Variants in DNAH6 observed in about 807,000 individuals in gnomAD.
The protein encoded by DNAH6 is dynein axonemal heavy chain 6, also known as axonemal beta dynein heavy chain 6.
A neutral mutation model predicts 491.4 loss-of-function variants in DNAH6; 340 were observed. That is an observed-to-expected ratio of 0.69 (90% CI 0.63 to 0.76). The LOEUF (loss-of-function observed/expected upper bound fraction) is 0.76. DNAH6 is among the 30% of genes least tolerant of loss of function. DNAH6 has a pLI of 0.00. For synonymous variants in DNAH6, 1,603 were observed against 1,686.1 expected, an observed-to-expected ratio of 0.95 and a Z score of 1.21; for missense variants, 4,443 against 4,972.2, an observed-to-expected ratio of 0.89 and a Z score of 3.20.
chr2:84,782,702 C>T (rs986247385), intron 65 of DNAH6, among the ~76,000 whole-genome samples: 2 of 152,204 alleles, frequency 1.3e-5, no homozygotes, highest in South Asian at 4.1e-4. Flanking sequence ...AGAGGGCCTG[C>T]TTCCTGCTGG....
intron 68 of DNAH6, among the ~76,000 whole-genome samples, chr2:84,795,857 C>A (rs542288583): frequency 6.6e-6 from 1 of 152,220 alleles, no homozygotes; most frequent in Admixed American, 6.5e-5. Context: ...ACCCTGATAG[C>A]AATAATTAAT....
chr2:84,579,569 G>T lies in DNAH6; in HGVS notation c.2119G>T (p.Asp707Tyr). The T allele has an allele frequency of 1.2e-6, 2 of 1,613,844 alleles. No homozygotes were observed. The highest frequency in any genetic ancestry group is 1.7e-6 in the Non-Finnish European group (2 of 1,179,886). Residue 707 changes from aspartate to tyrosine, a missense_variant, in exon 14 of 77, where the codon GAT (aspartate) becomes TAT (tyrosine). Physicochemically the swap from Asp to Tyr is radical, Grantham distance 160. Transcript: ENST00000389394. ...MLPRQSKKKV[D>Y]AIIFEAQDAE... ...TCCTCGTCAAAGCAAGAAAAAAGTG[G>T]ATGCCATTATCTTTGAGGCACAAGA...
rs1692485991 is a variant in DNAH6, at chr2:84,669,340, CG to C, written c.6138del (p.Leu2047TrpfsTer35). 6.5e-7 allele frequency: 1 copy of C among 1,549,380 alleles called. No homozygotes were observed. Among genetic ancestry groups the C allele is most frequent in the African/African-American group, 1.4e-5 (1 of 72,994 alleles). Reference sequence around the variant, plus strand: ...CATTCATATGGACTTTGACACCAAACGGCTGGATCCCTGGGAACGAATCATA... The same window carrying C: ...CATTCATATGGACTTTGACACCAAACGCTGGATCCCTGGGAACGAATCATA... ...WSIHMDFDTK[R>X]LDPWERIIPT... On this transcript the variant is annotated frameshift_variant, in exon 38 of 77. Transcript: ENST00000389394. LOFTEE classifies it high-confidence loss of function.
intron 49 of DNAH6, among the ~76,000 whole-genome samples, chr2:84,702,100 A>T (rs1344297707): frequency 6.6e-6 from 1 of 152,194 alleles, no homozygotes; most frequent in Non-Finnish European, 1.5e-5. Flanking sequence ...AGCAATACAG[A>T]TGGTGTTTTA....
intron 67 of DNAH6, among the ~76,000 whole-genome samples, chr2:84,786,107 AATGAAT>A (rs1559039741): frequency 6.4e-5 from 9 of 140,994 alleles, no homozygotes; most frequent in South Asian, 6.3e-4. Context: ...AGAAAGAATG[AATGAAT>A]GAATGAATGA....
the DNAH6 span, among the ~76,000 whole-genome samples, chr2:84,511,429 G>A: frequency 7.1e-6 from 1 of 139,954 alleles, no homozygotes; most frequent in South Asian, 2.1e-4. Context: ...GAAAAGCACA[G>A]TATTAGGGTG....
intron 49 of DNAH6, 115 bp downstream of exon 49, chr2:84,701,454 C>T (rs1695892662): frequency 1.3e-5 from 14 of 1,079,020 alleles, no homozygotes; most frequent in South Asian, 3.4e-5. Context: ...AGTCCATTCT[C>T]GCACTGCTAT....
chr2:84,806,463 C>CA (rs1262069225), intron 71 of DNAH6, among the ~76,000 whole-genome samples: 2 of 151,686 alleles, frequency 1.3e-5, no homozygotes, highest in Non-Finnish European at 2.9e-5. Context: ...ACTAAAAATA[C>CA]AAAAAATTAG....
At position 84,670,535 on chromosome 2, in the gene DNAH6, T is replaced by C. The variant is rs143008082; in HGVS notation, c.6454+60T>C. ...TTATTCATTAAGCTAATAAATGACA[T>C]AAATAGTGCATGTAATAAAATGACA... is the stretch of plus-strand genomic sequence containing the variant. On this transcript the variant is annotated intron_variant, in intron 39 of 76. Coordinates refer to ENST00000389394, the MANE Select transcript of DNAH6 (RefSeq NM_001370.2). 348 of 1,123,274 alleles carry C rather than the reference T, an allele frequency of 3.1e-4. 1 individual carries two copies. The African/African-American group carries it at 5.0e-3, about 16-fold the overall frequency. The allele number at this position is 1,123,274 out of a possible 1,614,324, so 69.6% of individuals were successfully genotyped here. A position where few individuals can be genotyped will look rare whatever the true frequency, so the allele number is the denominator to read the frequency against.
chr2:84,575,674 G>C (rs1316550252), intron 12 of DNAH6, among the ~76,000 whole-genome samples: 2 of 152,146 alleles, frequency 1.3e-5, no homozygotes, highest in Non-Finnish European at 2.9e-5. Context: ...CACGAGGTCA[G>C]GAGATTGAGA....
At chr2:84,694,162 C>A (rs763905417) in intron 45 of DNAH6, 87 bp from the exon 46 acceptor site, 18 of 1,232,622 alleles carry the variant, frequency 1.5e-5, no homozygotes, top group Admixed American at 2.1e-5. Flanking sequence ...GCTCCACTGG[C>A]CACCAGCCTT....
At chr2:84,737,013 A>G (rs1315369109) in intron 62 of DNAH6, among the ~76,000 whole-genome samples, 1 of 151,970 alleles carries the variant, frequency 6.6e-6, no homozygotes, top group African/African-American at 2.4e-5. Context: ...TTTGATGCCT[A>G]GTTTGTTGAG....
rs115585521 is a variant in DNAH6 at position 84,765,129 on chromosome 2, A to G, written c.10703+2184A>G. Among the ~76,000 whole-genome samples, 377 of 152,260 alleles carry G rather than the reference A, an allele frequency of 2.5e-3. 1 individual carries two copies. The highest frequency in any genetic ancestry group is 8.7e-3 in the African/African-American group (361 of 41,588). ...GTAGAATAAAATATGTAAAATTATTAAACAAGCAAATAATTGCATGTATTA... is the reference window on the plus strand; with the variant it reads ...GTAGAATAAAATATGTAAAATTATTGAACAAGCAAATAATTGCATGTATTA... On this transcript the variant is annotated intron_variant, in intron 64 of 76. Coordinates refer to ENST00000389394, the MANE Select transcript of DNAH6 (RefSeq NM_001370.2).
At chr2:84,675,514 A>G (rs538463884) in intron 40 of DNAH6, among the ~76,000 whole-genome samples, 5 of 152,164 alleles carry the variant, frequency 3.3e-5, no homozygotes, top group African/African-American at 9.6e-5. Context: ...TTCTGCTACT[A>G]TCACCTTCCA....
chr2:84,666,908 C>G (rs913426925), intron 37 of DNAH6, among the ~76,000 whole-genome samples: 1 of 152,106 alleles, frequency 6.6e-6, no homozygotes, highest in African/African-American at 2.4e-5. Context: ...GAGATATAGA[C>G]CAACGGAACC....
Position 84,616,880 on chromosome 2 carries a change from G to T in DNAH6, c.3476-6G>T. The T allele has an allele frequency of 7.0e-7, 1 of 1,436,194 alleles. No individual in the cohort carries two copies. The highest frequency in any genetic ancestry group is 9.2e-7 in the Non-Finnish European group (1 of 1,092,522). 89.0% of individuals were successfully genotyped at this position (1,436,194 alleles called of 1,614,324 possible). A position where few individuals can be genotyped will look rare whatever the true frequency, so the allele number is the denominator to read the frequency against. On this transcript the variant is annotated splice_region_variant and splice_polypyrimidine_tract_variant and intron_variant, in intron 22 of 76. Transcript: ENST00000389394. ...TTTACCAATACTATTTTTTTTTAATGAACAGGACTTCTGGAAACTTTTCAA... is the reference window on the plus strand; with the variant it reads ...TTTACCAATACTATTTTTTTTTAATTAACAGGACTTCTGGAAACTTTTCAA...
chr2:84,506,056 T>G, the DNAH6 span, among the ~76,000 whole-genome samples: 9 of 152,230 alleles, frequency 5.9e-5, no homozygotes, highest in Non-Finnish European at 2.9e-5. Flanking sequence ...TGATTTATAA[T>G]CCTTTGGGTA....
intron 16 of DNAH6, among the ~76,000 whole-genome samples, chr2:84,590,979 C>T (rs1215049634): frequency 6.6e-6 from 1 of 152,196 alleles, no homozygotes; most frequent in Admixed American, 6.5e-5. Context: ...GACCAGTTTG[C>T]ACTCACTAGC....
chr2:84,634,411 C>A, intron 29 of DNAH6, 93 bp from the exon 30 acceptor site: 2 of 1,287,928 alleles, frequency 1.6e-6, no homozygotes, highest in Non-Finnish European at 2.0e-6. Flanking sequence ...GCAGATACCA[C>A]CTCTTTTTTC....
Sources: allele counts gnomAD v4.1 joint callset (sites outside exome capture counted in the v4.1 genomes callset), GRCh38; gene constraint gnomAD v4.1.1; transcripts MANE v1.5; gene names NCBI Gene and HGNC (gene_info 2026-07-23, HGNC 2026-07-21).